L3MBTL4: variants seen among roughly 807,000 people sequenced by gnomAD.
L3MBTL4 encodes the protein L3MBTL histone methyl-lysine binding protein 4, also known as lethal(3)malignant brain tumor-like protein 4.
Under a neutral mutation model 84.5 loss-of-function variants are expected in L3MBTL4, and 70 were observed. The ratio of observed to expected loss-of-function variants is 0.83; its 90% CI spans 0.68 to 1.01. The LOEUF is 1.01. Among genes scored for constraint, L3MBTL4 ranks in the 50% least tolerant of loss-of-function variants. The pLI is 0.00. For synonymous variants in L3MBTL4, 274 were observed against 259.8 expected (o/e 1.05, Z -0.52); for missense variants, 715 against 754.8 (o/e 0.95, Z 0.62).
At chr18:6,353,148 A>G (rs148960428) in intron 1 of L3MBTL4, among the ~76,000 whole-genome samples, 41 of 152,282 alleles carry the variant, frequency 2.7e-4, no homozygotes, top group African/African-American at 9.6e-4. Context: ...CACTTGAAAA[A>G]CTATGGTGGA....
At chr18:6,182,173 C>T (rs2044503623) in intron 12 of L3MBTL4, among the ~76,000 whole-genome samples, 1 of 152,142 alleles carries the variant, frequency 6.6e-6, no homozygotes, top group Non-Finnish European at 1.5e-5. Context: ...TATTTTTTGA[C>T]TTTTTAATAA....
intron 16 of L3MBTL4, among the ~76,000 whole-genome samples, chr18:6,063,295 ATATC>A (rs2057293876): frequency 8.0e-6 from 1 of 125,054 alleles, no homozygotes; most frequent in South Asian, 2.5e-4. Context: ...GCTACTATAA[ATATC>A]TGTGTGTGTG....
chr18:6,314,291 T>G (rs944343938), intron 1 of L3MBTL4, among the ~76,000 whole-genome samples: 1 of 152,190 alleles, frequency 6.6e-6, no homozygotes, highest in African/African-American at 2.4e-5. Flanking sequence ...AAATGTCACA[T>G]CAGCCACATG....
intron 14 of L3MBTL4, among the ~76,000 whole-genome samples, chr18:6,126,873 T>C (rs188099186): frequency 6.8e-4 from 103 of 152,338 alleles, no homozygotes; most frequent in Admixed American, 2.2e-3. Flanking sequence ...AAAGTAAAAA[T>C]ACATCTGCAA....
intron 13 of L3MBTL4, among the ~76,000 whole-genome samples, chr18:6,153,373 T>A (rs2042972110): frequency 6.6e-6 from 1 of 152,184 alleles, no homozygotes; most frequent in African/African-American, 2.4e-5. Context: ...CATTTATTTT[T>A]GTCTTCTACA....
chr18:6,163,306 TGG>T (rs1491394901), intron 13 of L3MBTL4, among the ~76,000 whole-genome samples: 8,098 of 83,002 alleles, frequency 0.098, 375 homozygotes, highest in African/African-American at 0.11. Context: ...TGTGTGTGTG[TGG>T]GTGGGTGTGT....
intron 13 of L3MBTL4, among the ~76,000 whole-genome samples, chr18:6,163,268 G>GTGGGGGT (rs1341011839): frequency 2.5e-4 from 22 of 88,994 alleles, no homozygotes; most frequent in Non-Finnish European, 2.3e-5. Flanking sequence ...GTGGGGGGGG[G>GTGGGGGT]GTGGGTGTGT....
chr18:6,151,478 T>G (rs886482916), intron 13 of L3MBTL4, among the ~76,000 whole-genome samples: 2 of 152,194 alleles, frequency 1.3e-5, no homozygotes, highest in African/African-American at 4.8e-5. Flanking sequence ...CTGCAACCTC[T>G]GCCTCCCAGA....
chr18:5,988,121 T>G (rs1184095598), intron 16 of L3MBTL4, among the ~76,000 whole-genome samples: 1 of 152,258 alleles, frequency 6.6e-6, no homozygotes, highest in African/African-American at 2.4e-5. Context: ...TGGCAGAGAC[T>G]TCACTTGCCA....
chr18:6,019,513 T>C (rs1397014729), intron 16 of L3MBTL4, among the ~76,000 whole-genome samples: 1 of 152,322 alleles, frequency 6.6e-6, no homozygotes, highest in South Asian at 2.1e-4. Flanking sequence ...CATTAATTAG[T>C]TCAAGAAGCA....
intron 4 of L3MBTL4, among the ~76,000 whole-genome samples, chr18:6,264,976 T>C (rs569766808): frequency 3.3e-5 from 5 of 152,350 alleles, no homozygotes; most frequent in Middle Eastern, 3.4e-3. Flanking sequence ...TACATGGACA[T>C]GCCCTTTCAA....
chr18:6,134,319 A>C (rs1310040288), intron 14 of L3MBTL4, among the ~76,000 whole-genome samples: 1 of 152,030 alleles, frequency 6.6e-6, no homozygotes, highest in East Asian at 1.9e-4. Context: ...GACACAGCCA[A>C]ACCATATCAT....
At chr18:6,116,586 A>T (rs928542141) in intron 14 of L3MBTL4, among the ~76,000 whole-genome samples, 1 of 151,532 alleles carries the variant, frequency 6.6e-6, no homozygotes, top group Non-Finnish European at 1.5e-5. Flanking sequence ...CTGGTCTCAA[A>T]CTCCTGACCT....
chr18:6,214,417 A>G (rs975293904), intron 11 of L3MBTL4, among the ~76,000 whole-genome samples: 14 of 152,246 alleles, frequency 9.2e-5, no homozygotes, highest in Non-Finnish European at 1.3e-4. Context: ...CAACTCTGAT[A>G]GTTTCTATAG....
intron 5 of L3MBTL4, among the ~76,000 whole-genome samples, chr18:6,256,566 T>C (rs1568390157): frequency 6.7e-6 from 1 of 150,142 alleles, no homozygotes; most frequent in South Asian, 2.1e-4. Context: ...ATAATAGCTA[T>C]GAAGAGGGGA....
At chr18:6,037,828 G>C (rs542582740) in intron 16 of L3MBTL4, among the ~76,000 whole-genome samples, 3 of 152,180 alleles carry the variant, frequency 2.0e-5, no homozygotes, top group Non-Finnish European at 4.4e-5. Context: ...TCATATAGGA[G>C]AGGCTTAATA....
At chr18:6,179,509 G>T (rs559022595) in intron 12 of L3MBTL4, among the ~76,000 whole-genome samples, 1 of 152,330 alleles carries the variant, frequency 6.6e-6, no homozygotes, top group Admixed American at 6.5e-5. Flanking sequence ...TGGGTTCAGG[G>T]ATAGTACTGA....
rs555532971 is a variant in L3MBTL4, at chr18:6,050,020, G to T, written c.1444+30861C>A. 2.7e-3 allele frequency among the ~76,000 whole-genome samples: 407 copies of T among 152,120 alleles called. 4 individuals are homozygous for T. Among genetic ancestry groups the T allele is most frequent in the African/African-American group, 9.6e-3 (398 of 41,466 alleles). On this transcript the variant is annotated intron_variant, in intron 16 of 18. Transcript: ENST00000317931. ...GGATGTGAGCTAGCAAAATTCTATC[G>T]CAAAACATAGGTGAGAGTTCAGGAA...
intron 16 of L3MBTL4, among the ~76,000 whole-genome samples, chr18:6,021,507 C>A (rs2055257670): frequency 6.6e-6 from 1 of 152,146 alleles, no homozygotes; most frequent in African/African-American, 2.4e-5. Flanking sequence ...GTTGGAAGCA[C>A]CGCGGCGTGC....
Sources: allele counts gnomAD v4.1 joint callset (sites outside exome capture counted in the v4.1 genomes callset), GRCh38; gene constraint gnomAD v4.1.1; transcripts MANE v1.5; gene names NCBI Gene and HGNC (gene_info 2026-07-23, HGNC 2026-07-21).